Variants in SRBD1 observed in about 807,000 individuals in gnomAD.
SRBD1 encodes S1 RNA binding domain 1, also known as S1 RNA-binding domain-containing protein 1.
Under a neutral mutation model 115.3 loss-of-function variants are expected in SRBD1, and 88 were observed. The observed-to-expected ratio is 0.76, with a 90% CI of 0.64 to 0.91. The LOEUF (loss-of-function observed/expected upper bound fraction) is 0.91, where lower values mean the gene tolerates loss of function less well. SRBD1 is among the 40% of genes least tolerant of loss of function. The pLI, the probability that SRBD1 is intolerant of heterozygous loss-of-function variation, is 0.00. For missense variants in SRBD1, 1,385 were observed against 1,177.4 expected, an observed-to-expected ratio of 1.18 and a Z score of -2.58; for synonymous variants, 509 against 407.7, an observed-to-expected ratio of 1.25 and a Z score of -2.99.
At chr2:45,480,456 G>A (rs1669928684) in intron 15 of SRBD1, among the ~76,000 whole-genome samples, 1 of 152,170 alleles carries the variant, frequency 6.6e-6, no homozygotes, top group Non-Finnish European at 1.5e-5. Flanking sequence ...GACTTTGAGG[G>A]ATTCAATATT....
chr2:45,513,548 A>AT (rs1234181476), intron 14 of SRBD1, among the ~76,000 whole-genome samples: 1 of 152,182 alleles, frequency 6.6e-6, no homozygotes, highest in Non-Finnish European at 1.5e-5. Context: ...AAAAGGTGTT[A>AT]TATTTCACAA....
At chr2:45,477,903 T>C (rs1669851354) in intron 15 of SRBD1, among the ~76,000 whole-genome samples, 1 of 152,142 alleles carries the variant, frequency 6.6e-6, no homozygotes. Context: ...CAAGAAACTT[T>C]AGAGTTAATT....
intron 14 of SRBD1, among the ~76,000 whole-genome samples, chr2:45,489,237 T>A (rs1670217327): frequency 6.6e-6 from 1 of 152,174 alleles, no homozygotes; most frequent in Non-Finnish European, 1.5e-5. Context: ...TAGGTGTCAA[T>A]ATTCAAAACC....
At chr2:45,500,427 A>AT (rs34766902) in intron 14 of SRBD1, among the ~76,000 whole-genome samples, 4,233 of 145,300 alleles carry the variant, frequency 0.029, 192 homozygotes, top group African/African-American at 0.099. Context: ...AACAATATTG[A>AT]TTTTTTTTTT....
At chr2:45,569,940 A>G (rs148326625) in intron 9 of SRBD1, among the ~76,000 whole-genome samples, 1 of 152,242 alleles carries the variant, frequency 6.6e-6, no homozygotes, top group Admixed American at 6.5e-5. Context: ...GAACTCAGAG[A>G]ATATTGTACA....
intron 16 of SRBD1, among the ~76,000 whole-genome samples, chr2:45,465,915 G>C (rs1484008339): frequency 6.6e-6 from 1 of 152,106 alleles, no homozygotes; most frequent in African/African-American, 2.4e-5. Context: ...TGGAGAGGCT[G>C]CAAAATTTTA....
At chr2:45,591,724 G>A (rs1673731673) in intron 4 of SRBD1, among the ~76,000 whole-genome samples, 1 of 152,172 alleles carries the variant, frequency 6.6e-6, no homozygotes, top group Non-Finnish European at 1.5e-5. Context: ...AGGAATGTTG[G>A]GTGATGGTTC....
intron 15 of SRBD1, among the ~76,000 whole-genome samples, chr2:45,486,456 G>A (rs918726217): frequency 2.0e-5 from 3 of 152,194 alleles, no homozygotes; most frequent in South Asian, 2.1e-4. Flanking sequence ...GGCTGGGTGC[G>A]GTGGCTCACG....
intron 16 of SRBD1, among the ~76,000 whole-genome samples, chr2:45,469,886 T>G (rs1405193718): frequency 2.0e-5 from 3 of 152,148 alleles, no homozygotes; most frequent in South Asian, 2.1e-4. Context: ...GGCCTTAGAG[T>G]CAAGGGACAA....
At chr2:45,422,414 T>C (rs761460503) in intron 16 of SRBD1, among the ~76,000 whole-genome samples, 1 of 152,182 alleles carries the variant, frequency 6.6e-6, no homozygotes, top group Non-Finnish European at 1.5e-5. Flanking sequence ...TTAAAATCCA[T>C]GTTTTTCAAA....
At chr2:45,496,859 C>T (rs1420069056) in intron 14 of SRBD1, among the ~76,000 whole-genome samples, 2 of 152,298 alleles carry the variant, frequency 1.3e-5, no homozygotes, top group Admixed American at 6.5e-5. Flanking sequence ...TCTTGAAGAT[C>T]TATTCTGGAG....
chr2:45,560,767 A>T (rs1219822592), intron 10 of SRBD1, among the ~76,000 whole-genome samples: 1 of 151,866 alleles, frequency 6.6e-6, no homozygotes, highest in Non-Finnish European at 1.5e-5. Flanking sequence ...CTTTCCTTTC[A>T]TTGGAATTTA....
At chr2:45,521,900 T>TGAGGCTG (rs1671296351) in intron 14 of SRBD1, among the ~76,000 whole-genome samples, 1 of 151,438 alleles carries the variant, frequency 6.6e-6, no homozygotes, top group South Asian at 2.1e-4. Flanking sequence ...CCTGGGAGAT[T>TGAGGCTG]GAGGCTGTAG....
At chr2:45,417,915 G>A (rs1667879398) in intron 18 of SRBD1, among the ~76,000 whole-genome samples, 1 of 152,176 alleles carries the variant, frequency 6.6e-6, no homozygotes, top group Non-Finnish European at 1.5e-5. Context: ...CACCAAAGTT[G>A]GTCCTGCCTT....
chr2:45,579,096 C>T (rs1230139261), intron 7 of SRBD1, among the ~76,000 whole-genome samples: 1 of 152,174 alleles, frequency 6.6e-6, no homozygotes, highest in African/African-American at 2.4e-5. Flanking sequence ...AAAAGCCACT[C>T]TTAACCAAAG....
chr2:45,500,963 T>C (rs1436330743), intron 14 of SRBD1, among the ~76,000 whole-genome samples: 1 of 152,208 alleles, frequency 6.6e-6, no homozygotes, highest in Non-Finnish European at 1.5e-5. Context: ...TCTTGTTCTG[T>C]ATCTTAGTAG....
At chr2:45,426,194 G>C (rs1225473877) in intron 16 of SRBD1, among the ~76,000 whole-genome samples, 1 of 152,212 alleles carries the variant, frequency 6.6e-6, no homozygotes, top group Non-Finnish European at 1.5e-5. Flanking sequence ...TGAGGCTTGA[G>C]TAGGCGGTTT....
rs1558563705 is a variant in SRBD1, at chr2:45,414,843, CATATAGTGTGTATATAGTATGTACACACA to C, written c.2334-1579_2334-1551del. 3.2e-4 allele frequency among the ~76,000 whole-genome samples: 39 copies of C among 122,680 alleles called. 1 individual carries two copies. The highest frequency in any genetic ancestry group is 8.6e-4 in the South Asian group (3 of 3,476). The allele number at this position is 122,680 out of a possible 152,430, so 80.5% of individuals were successfully genotyped here. On this transcript the variant is annotated intron_variant, in intron 18 of 20. Coordinates refer to ENST00000263736, the MANE Select transcript of SRBD1 (RefSeq NM_018079.5). ...AGTGTGTATATAGTATGTACACACA[CATATAGTGTGTATATAGTATGTACACACA>C]ATATAGTGTGTATATAGTATGTACA...
At chr2:45,446,477 C>G (rs906564050) in intron 16 of SRBD1, among the ~76,000 whole-genome samples, 3 of 152,112 alleles carry the variant, frequency 2.0e-5, no homozygotes, top group Non-Finnish European at 2.9e-5. Flanking sequence ...AGGATCCTCC[C>G]AAATCATTAA....
Sources: gnomAD v4.1 joint callset for allele counts (sites outside exome capture counted in the v4.1 genomes callset) on GRCh38, gnomAD v4.1.1 for gene constraint, MANE v1.5 for transcripts, NCBI Gene and HGNC (gene_info 2026-07-23, HGNC 2026-07-21) for gene names.